The following HNRNPC variants were observed in gnomAD, a reference collection of about 807,000 sequenced individuals.
The protein encoded by HNRNPC is heterogeneous nuclear ribonucleoprotein C, also known as heterogeneous nuclear ribonucleoproteins C1/C2.
HNRNPC carries 3 observed loss-of-function variants against 33.2 expected under a neutral mutation model. The observed-to-expected ratio is 0.09, with a 90% confidence interval of 0.04 to 0.23. The LOEUF is 0.23. Ranked by LOEUF, HNRNPC falls within the 10% of genes least tolerant of loss-of-function variation. The probability of loss-of-function intolerance (pLI) is 1.00; values close to 1 mark genes in which losing one functional copy is unlikely to be tolerated. For synonymous variants in HNRNPC, 121 were observed against 126.7 expected, an observed-to-expected ratio of 0.96 and a Z score of 0.30; for missense variants, 143 against 366.7, an observed-to-expected ratio of 0.39 and a Z score of 4.98.
intron 5 of HNRNPC, among the ~76,000 whole-genome samples, chr14:21,220,698 T>C (rs1892731885): frequency 6.6e-6 from 1 of 152,162 alleles, no homozygotes; most frequent in Admixed American, 6.5e-5. Flanking sequence ...ATGTAATAGC[T>C]GAAAAGCCAG....
chr14:21,246,990 A>G (rs1896049741), intron 2 of HNRNPC, among the ~76,000 whole-genome samples: 2 of 152,234 alleles, frequency 1.3e-5, no homozygotes, highest in South Asian at 4.1e-4. Flanking sequence ...TGTGTTAATT[A>G]ACTTTATCAG....
intron 5 of HNRNPC, among the ~76,000 whole-genome samples, chr14:21,221,926 G>A (rs1892866414): frequency 6.6e-6 from 1 of 150,584 alleles, no homozygotes; most frequent in African/African-American, 2.4e-5. Flanking sequence ...GCGGGCACCT[G>A]TAGTCTCAGC....
intron 5 of HNRNPC, among the ~76,000 whole-genome samples, chr14:21,222,766 C>T (rs886501453): frequency 1.3e-5 from 2 of 152,010 alleles, no homozygotes; most frequent in African/African-American, 2.4e-5. Flanking sequence ...TTGTGGCAGG[C>T]GCCTGTAGTC....
At chr14:21,251,260 CAAA>C (rs71419116) in intron 2 of HNRNPC, among the ~76,000 whole-genome samples, 3 of 49,486 alleles carry the variant, frequency 6.1e-5, no homozygotes, top group Admixed American at 3.2e-4. Context: ...GACTCCCTCT[CAAA>C]AAAAAAAAAA....
intron 5 of HNRNPC, among the ~76,000 whole-genome samples, chr14:21,216,914 G>A (rs1566597164): frequency 1.3e-5 from 2 of 151,982 alleles, no homozygotes; most frequent in Non-Finnish European, 2.9e-5. Context: ...CAATAAATCC[G>A]TTAAACTAGC....
chr14:21,211,436 A>T lies in HNRNPC; in HGVS notation c.768T>A (p.Asp256Glu). The T allele has an allele frequency of 1.3e-6, 2 of 1,541,608 alleles. No individual in the cohort carries two copies. Residue 256 changes from aspartate (D) to glutamate (E), a missense_variant, in exon 8 of 9, where the codon GAT (aspartate) becomes GAA (glutamate). Coordinates refer to ENST00000553300, the MANE Select transcript of HNRNPC (RefSeq NM_004500.4). ...CATCCCCCCGATCTTCATTATCATC[A>T]TCATCCAGTAGGTCCCCCTCCTCAG... is the stretch of plus-strand genomic sequence containing the variant. ...DSAEEGDLLD[D>E]DDNEDRGDDQ...
chr14:21,268,676 T>A (rs1201097933), intron 1 of HNRNPC: 1 of 152,234 alleles, frequency 6.6e-6, no homozygotes, highest in Admixed American at 6.5e-5. Context: ...AACCTGCAGA[T>A]GAAAAGTCAG....
chr14:21,262,963 T>A (rs370166803), intron 2 of HNRNPC: 5 of 152,116 alleles, frequency 3.3e-5, no homozygotes, highest in Non-Finnish European at 7.4e-5. Flanking sequence ...GTCATAGACT[T>A]AACAGCCAGT....
Position 21,260,051 on chromosome 14 carries a change from T to TAA in HNRNPC, c.-37+3259_-37+3260insTT, listed in dbSNP as rs1381545624. 4.1e-5 allele frequency among the ~76,000 whole-genome samples: 6 copies of TAA among 147,364 alleles called. No homozygotes were observed. The East Asian group carries it at 1.2e-3, about 29-fold the overall frequency. On this transcript the variant is annotated intron_variant, in intron 2 of 8. Transcript: ENST00000553300. ...CGTCTCTACTAAACATACAAAAAAA[T>TAA]TAGCCGGGCGTAGTGGCGGGCGCCT...
At chr14:21,268,985 A>C (rs1299268390) in intron 1 of HNRNPC, among the ~76,000 whole-genome samples, 1 of 152,100 alleles carries the variant, frequency 6.6e-6, no homozygotes, top group East Asian at 1.9e-4. Flanking sequence ...ATTAATGAGC[A>C]TCACGATCTT....
At chr14:21,267,761 CAAAGA>C (rs773248012) in intron 1 of HNRNPC, among the ~76,000 whole-genome samples, 35 of 152,144 alleles carry the variant, frequency 2.3e-4, no homozygotes, top group Non-Finnish European at 4.1e-4. Context: ...TCGAAAACCT[CAAAGA>C]AAAGTGCCCG....
At chr14:21,246,590 T>C (rs925082325) in intron 2 of HNRNPC, among the ~76,000 whole-genome samples, 1 of 151,840 alleles carries the variant, frequency 6.6e-6, no homozygotes, top group Non-Finnish European at 1.5e-5. Context: ...AAAGTCGTCT[T>C]ATAACAAATA....
In HNRNPC at chr14:21,246,673, G is replaced by C. The variant is rs181806248; in HGVS notation, c.-36-12444C>G. Among the ~76,000 whole-genome samples, 120 of 152,032 alleles carry C rather than the reference G, an allele frequency of 7.9e-4. 1 individual carries two copies. In the South Asian group the frequency reaches 0.01, roughly 13 times the overall value. On this transcript the variant is annotated intron_variant, in intron 2 of 8. Transcript: ENST00000553300. ...CCTTGGAAAAGAAAGGAATAATCTG[G>C]ATGCTCTCCAGATGCTACTTTTCTG...
Position 21,211,139 on chromosome 14 carries a change from A to G in HNRNPC, c.*84T>C, listed in dbSNP as rs1057224059. The G allele has an allele frequency of 4.8e-5, 64 of 1,319,792 alleles. No individual in the cohort carries two copies. The highest frequency in any genetic ancestry group is 5.9e-5 in the Non-Finnish European group (55 of 927,484). 81.8% of individuals were successfully genotyped at this position (1,319,792 alleles called of 1,614,324 possible). A position where few individuals can be genotyped will look rare whatever the true frequency, so the allele number is the denominator to read the frequency against. On this transcript the variant is annotated 3_prime_UTR_variant, in exon 9 of 9. Coordinates refer to ENST00000553300, the MANE Select transcript of HNRNPC (RefSeq NM_004500.4). ...GAGCATGTGCTGAAGATACTAGGGG[A>G]GAGGATCTGGTGAAAAATTTGATCT...
At chr14:21,214,283 CTT>C (rs1891922615) in intron 5 of HNRNPC, among the ~76,000 whole-genome samples, 1 of 152,206 alleles carries the variant, frequency 6.6e-6, no homozygotes. Flanking sequence ...GATTCTCCCT[CTT>C]ATATATATAC....
intron 5 of HNRNPC, among the ~76,000 whole-genome samples, chr14:21,223,066 C>T (rs1488014342): frequency 6.6e-6 from 1 of 151,904 alleles, no homozygotes; most frequent in Non-Finnish European, 1.5e-5. Flanking sequence ...AAGAGCCCGG[C>T]GTGGTGATGC....
intron 2 of HNRNPC, among the ~76,000 whole-genome samples, chr14:21,234,475 GAAA>G (rs200122070): frequency 6.6e-6 from 1 of 150,854 alleles, no homozygotes; most frequent in Admixed American, 6.6e-5. Context: ...AAATTCTCAG[GAAA>G]AAAAAATTCT....
At chr14:21,221,303 C>T (rs1440992260) in intron 5 of HNRNPC, among the ~76,000 whole-genome samples, 1 of 152,166 alleles carries the variant, frequency 6.6e-6, no homozygotes, top group Non-Finnish European at 1.5e-5. Flanking sequence ...TTTCTTATAA[C>T]TTACACAACT....
At position 21,248,549 on chromosome 14, in the gene HNRNPC, GCTA is replaced by G. The variant is rs142963778; in HGVS notation, c.-36-14323_-36-14321del. Among the ~76,000 whole-genome samples the G allele has an allele frequency of 8.0e-3, 1,215 of 152,258 alleles. 20 individuals are homozygous for G. Among genetic ancestry groups the G allele is most frequent in the African/African-American group, 0.028 (1,158 of 41,542 alleles). ...CTGGCACTTAACAAGTGCCGCTGCT[GCTA>G]CTGTTATCATTTACTGTTATTGGCA... On this transcript the variant is annotated intron_variant, in intron 2 of 8. Transcript: ENST00000553300.
Sources: gnomAD v4.1 joint callset for allele counts (sites outside exome capture counted in the v4.1 genomes callset) on GRCh38, gnomAD v4.1.1 for gene constraint, MANE v1.5 for transcripts, NCBI Gene and HGNC (gene_info 2026-07-23, HGNC 2026-07-21) for gene names.